Variants in PKHD1 observed in about 807,000 individuals in gnomAD.
PKHD1 encodes fibrocystin.
A neutral mutation model predicts 412.0 loss-of-function variants in PKHD1; 291 were observed. That is an observed-to-expected ratio of 0.71 (90% CI 0.64 to 0.78). PKHD1 has a LOEUF of 0.78. Ranked by LOEUF, PKHD1 falls within the 30% of genes least tolerant of loss-of-function variation. PKHD1 has a pLI of 0.00. For synonymous variants in PKHD1, 1,777 were observed against 1,821.5 expected (o/e 0.98, Z 0.62); for missense variants, 4,825 against 4,950.7 (o/e 0.97, Z 0.76).
Position 52,048,556 on chromosome 6 carries a change from T to C in PKHD1, c.2343A>G (p.Arg781=). The part of the protein sequence containing the change: ...SGLVLVTTQR[R]QRTSPPLGGH... ...CTCCTAGAGGTGGACTTGTCCGCTG[T>C]CGTCTCTGTGTCGTCACCAGGACCA... The change falls in exon 23 of 67, where the codon CGA becomes CGG. Residue 781 remains arginine (R), a synonymous_variant. Transcript: ENST00000371117. 1 of 1,614,132 alleles carries C rather than the reference T, an allele frequency of 6.2e-7. No homozygotes were observed. The highest frequency in any genetic ancestry group is 8.5e-7 in the Non-Finnish European group (1 of 1,179,952).
At chr6:51,885,482 T>C (rs982404295) in intron 45 of PKHD1, among the ~76,000 whole-genome samples, 1 of 152,148 alleles carries the variant, frequency 6.6e-6, no homozygotes, top group African/African-American at 2.4e-5. Flanking sequence ...TACTAACCAA[T>C]TGTGTGATCT....
intron 60 of PKHD1, among the ~76,000 whole-genome samples, chr6:51,661,251 TTAGATA>T (rs879450250): frequency 1.1e-4 from 16 of 152,026 alleles, no homozygotes; most frequent in South Asian, 6.2e-4. Flanking sequence ...CAGATATAGA[TTAGATA>T]TAGATATAGA....
intron 37 of PKHD1, among the ~76,000 whole-genome samples, chr6:51,928,877 C>T (rs1454656287): frequency 6.6e-6 from 1 of 152,146 alleles, no homozygotes. Context: ...TTCTCTCCAT[C>T]CTGCGTTTTG....
chr6:51,845,365 G>A (rs971656708), intron 50 of PKHD1, among the ~76,000 whole-genome samples: 1 of 152,202 alleles, frequency 6.6e-6, no homozygotes, highest in Non-Finnish European at 1.5e-5. Flanking sequence ...GCCCAGAAAT[G>A]AGAACAGAAG....
chr6:52,001,667 G>A (rs558927733), intron 35 of PKHD1, among the ~76,000 whole-genome samples: 2 of 151,876 alleles, frequency 1.3e-5, no homozygotes, highest in Non-Finnish European at 2.9e-5. Flanking sequence ...TCCTGACCTC[G>A]TGATCTGCCC....
intron 37 of PKHD1, among the ~76,000 whole-genome samples, chr6:51,924,130 T>A (rs1344351408): frequency 3.3e-5 from 5 of 152,184 alleles, no homozygotes; most frequent in Admixed American, 2.0e-4. Flanking sequence ...TCAATGATAC[T>A]CTTTTTCCAT....
At chr6:52,063,560 A>G (rs112779480) in intron 13 of PKHD1, among the ~76,000 whole-genome samples, 2,728 of 152,360 alleles carry the variant, frequency 0.018, 70 homozygotes, top group African/African-American at 0.062. Context: ...GAAAAGTAAG[A>G]GCATATTTTG....
intron 29 of PKHD1, among the ~76,000 whole-genome samples, chr6:52,030,801 A>G (rs1329741086): frequency 6.6e-6 from 1 of 152,210 alleles, no homozygotes; most frequent in Non-Finnish European, 1.5e-5. Flanking sequence ...TTATAGCCCC[A>G]GGGTTTTCTT....
At chr6:51,764,697 T>A (rs189361860) in intron 55 of PKHD1, among the ~76,000 whole-genome samples, 40 of 152,234 alleles carry the variant, frequency 2.6e-4, no homozygotes, top group African/African-American at 8.4e-4. Context: ...GGATTAAAAT[T>A]CTTGATATTG....
At chr6:51,761,715 T>C (rs74435578) in intron 55 of PKHD1, among the ~76,000 whole-genome samples, 2,238 of 152,146 alleles carry the variant, frequency 0.015, 49 homozygotes, top group African/African-American at 0.05. Context: ...ACATAAAATT[T>C]TTACTTGTCA....
At chr6:51,985,595 G>A (rs931610409) in intron 35 of PKHD1, among the ~76,000 whole-genome samples, 1 of 152,160 alleles carries the variant, frequency 6.6e-6, no homozygotes, top group Non-Finnish European at 1.5e-5. Flanking sequence ...CAGGCATGGT[G>A]GCAGATGCCT....
At chr6:51,928,036 G>C (rs1479980437) in intron 37 of PKHD1, among the ~76,000 whole-genome samples, 1 of 152,112 alleles carries the variant, frequency 6.6e-6, no homozygotes, top group East Asian at 1.9e-4. Context: ...ACCCAACAGA[G>C]GATATAGGTG....
intron 60 of PKHD1, among the ~76,000 whole-genome samples, chr6:51,687,029 A>T (rs915454937): frequency 6.6e-6 from 1 of 152,188 alleles, no homozygotes; most frequent in Non-Finnish European, 1.5e-5. Flanking sequence ...CCCTCCTGAA[A>T]TCATGGCACC....
At chr6:51,767,419 G>A (rs930096193) in intron 55 of PKHD1, among the ~76,000 whole-genome samples, 1 of 152,070 alleles carries the variant, frequency 6.6e-6, no homozygotes. Flanking sequence ...CATGTGCCAT[G>A]TTGGTATGCT....
chr6:51,813,015 TA>T (rs1294833217), intron 52 of PKHD1, among the ~76,000 whole-genome samples: 3 of 152,310 alleles, frequency 2.0e-5, no homozygotes, highest in Admixed American at 1.3e-4. Context: ...CAAGTTGTCC[TA>T]CCTTTCCAGA....
Position 51,874,122 on chromosome 6 carries a change from A to G in PKHD1, c.7351-3483T>C, listed in dbSNP as rs142811875. Among the ~76,000 whole-genome samples, 216 of 152,314 alleles carry G rather than the reference A, an allele frequency of 1.4e-3. 1 individual carries two copies. The highest frequency in any genetic ancestry group is 5.0e-3 in the African/African-American group (207 of 41,572). ...GAAAATGGGAAATCACCCCTAGAGA[A>G]ATAGGAGGAAGAATGAAGCAACTCC... On this transcript the variant is annotated intron_variant, in intron 46 of 66. Coordinates refer to ENST00000371117, the MANE Select transcript of PKHD1 (RefSeq NM_138694.4).
At chr6:51,966,055 AC>A (rs929282651) in intron 35 of PKHD1, among the ~76,000 whole-genome samples, 21 of 152,166 alleles carry the variant, frequency 1.4e-4, no homozygotes, top group African/African-American at 5.1e-4. Context: ...TATACATTTT[AC>A]TTACAGTATC....
intron 60 of PKHD1, among the ~76,000 whole-genome samples, chr6:51,698,895 T>C (rs1460776964): frequency 2.0e-5 from 3 of 152,242 alleles, no homozygotes; most frequent in East Asian, 1.9e-4. Flanking sequence ...TTTTTGATCA[T>C]AACTACTTCA....
chr6:51,931,819 G>C (rs976683416), intron 37 of PKHD1, among the ~76,000 whole-genome samples: 4 of 151,604 alleles, frequency 2.6e-5, no homozygotes, highest in Non-Finnish European at 5.9e-5. Context: ...TATAGGAAAA[G>C]GGGGAGAGAG....
Sources: allele counts gnomAD v4.1 joint callset (sites outside exome capture counted in the v4.1 genomes callset), GRCh38; gene constraint gnomAD v4.1.1; transcripts MANE v1.5; gene names NCBI Gene and HGNC (gene_info 2026-07-23, HGNC 2026-07-21).